CRPPA: variants seen among roughly 807,000 people sequenced by gnomAD.
The protein encoded by CRPPA is CDP-L-ribitol pyrophosphorylase A, also known as D-ribitol-5-phosphate cytidylyltransferase.
Under a neutral mutation model 52.0 loss-of-function variants are expected in CRPPA, and 43 were observed. That is an observed-to-expected ratio of 0.83 (90% CI 0.65 to 1.07). The LOEUF is 1.07. Ranked by LOEUF, CRPPA falls within the 50% of genes least tolerant of loss-of-function variation. The pLI, the probability that CRPPA is intolerant of heterozygous loss-of-function variation, is 0.00. For missense variants in CRPPA, 629 were observed against 551.7 expected (o/e 1.14, Z -1.40); for synonymous variants, 250 against 203.5 (o/e 1.23, Z -1.94).
chr7:16,109,044 C>T, intron 9 of CRPPA, among the ~76,000 whole-genome samples: 1 of 151,276 alleles, frequency 6.6e-6, no homozygotes, highest in East Asian at 1.9e-4. Flanking sequence ...ACAAACTCGG[C>T]CTTAAGTTAG....
chr7:16,326,129 C>A lies in CRPPA; in HGVS notation c.685-17502G>T, dbSNP rs116805821. Among the ~76,000 whole-genome samples the A allele has an allele frequency of 8.9e-3, 1,340 of 150,932 alleles. 15 individuals carry two copies. The highest frequency in any genetic ancestry group is 0.031 in the African/African-American group (1,288 of 41,120). ...ATAGGACACCTATCTACCTCCAACT[C>A]CAAGTCCTCTGAAAGAGCTATATAT... On this transcript the variant is annotated intron_variant, in intron 3 of 9. Coordinates refer to ENST00000407010, the MANE Select transcript of CRPPA (RefSeq NM_001101426.4).
intron 8 of CRPPA, among the ~76,000 whole-genome samples, chr7:16,254,792 G>GAAAGAAAGAAGGAAAGAAAGAAA (rs1783573898): frequency 2.1e-4 from 21 of 101,662 alleles, no homozygotes; most frequent in Non-Finnish European, 2.7e-4. Flanking sequence ...AAAGAAAGAA[G>GAAAGAAAGAAGGAAAGAAAGAAA]GAAAGAAAGA....
At chr7:16,417,619 AC>A (rs1462870128) in intron 1 of CRPPA, among the ~76,000 whole-genome samples, 6 of 152,274 alleles carry the variant, frequency 3.9e-5, no homozygotes, top group African/African-American at 1.4e-4. Context: ...TCAACAACAG[AC>A]ACTGGGGATC....
intron 1 of CRPPA, among the ~76,000 whole-genome samples, chr7:16,408,543 G>A (rs1788008168): frequency 6.6e-6 from 1 of 152,186 alleles, no homozygotes; most frequent in African/African-American, 2.4e-5. Context: ...CCTAAAAAGA[G>A]GATAGGCAGC....
At chr7:16,258,568 G>T (rs2128412369) in intron 7 of CRPPA, 86 bp from the exon 8 acceptor site, 4 of 717,954 alleles carry the variant, frequency 5.6e-6, no homozygotes, top group South Asian at 2.0e-5. Context: ...GAGAGATTCT[G>T]CATAACATTC....
intron 8 of CRPPA, among the ~76,000 whole-genome samples, chr7:16,256,836 A>T (rs1356562546): frequency 1.3e-5 from 2 of 152,076 alleles, no homozygotes; most frequent in East Asian, 3.8e-4. Flanking sequence ...TGGGTGTAGC[A>T]TACCAGCATG....
At chr7:16,333,709 A>G (rs1444306682) in intron 3 of CRPPA, among the ~76,000 whole-genome samples, 1 of 152,206 alleles carries the variant, frequency 6.6e-6, no homozygotes, top group Non-Finnish European at 1.5e-5. Flanking sequence ...GATCTGTGAC[A>G]TCAGCAAGAT....
intron 9 of CRPPA, chr7:16,209,311 G>C (rs562632224): frequency 8.3e-4 from 95 of 114,082 alleles, no homozygotes; most frequent in African/African-American, 2.8e-3. Context: ...TCGCTCTGTT[G>C]CCCAGGCTGG....
chr7:16,301,311 T>A, intron 5 of CRPPA, 110 bp downstream of exon 5: 3 of 831,042 alleles, frequency 3.6e-6, no homozygotes, highest in Non-Finnish European at 6.0e-6. Flanking sequence ...GACCTTGGCC[T>A]ACAGGCTTTT....
chr7:16,171,709 C>G (rs545317114), intron 9 of CRPPA, among the ~76,000 whole-genome samples: 20 of 152,194 alleles, frequency 1.3e-4, no homozygotes, highest in Admixed American at 1.3e-3. Flanking sequence ...AGGAGAACTG[C>G]GTGAACCCAG....
At chr7:16,303,221 A>C (rs140608125) in intron 4 of CRPPA, among the ~76,000 whole-genome samples, 3 of 152,182 alleles carry the variant, frequency 2.0e-5, no homozygotes, top group African/African-American at 7.2e-5. Flanking sequence ...CTGCTACTTT[A>C]TTTCTGGATA....
At chr7:16,241,970 T>TG (rs1554296973) in intron 8 of CRPPA, among the ~76,000 whole-genome samples, 1,611 of 104,530 alleles carry the variant, frequency 0.015, 60 homozygotes, top group East Asian at 0.12. Flanking sequence ...TTTTTTTTTG[T>TG]TGGGGGGAGA....
In CRPPA at chr7:16,185,067, T is replaced by C. The variant is rs193074443; in HGVS notation, c.1251+30999A>G. On this transcript the variant is annotated intron_variant, in intron 9 of 9. Transcript: ENST00000407010. ...TAAGACAGACATATCTCTCCATGTG[T>C]ATTAGTCCATTTTCATTCTGCTGAT... Among the ~76,000 whole-genome samples the C allele has an allele frequency of 4.6e-5, 7 of 152,332 alleles. No individual in the cohort carries two copies. The East Asian group carries it at 1.2e-3, about 25-fold the overall frequency.
At chr7:16,146,207 C>CAAA (rs531464213) in intron 9 of CRPPA, among the ~76,000 whole-genome samples, 3 of 137,644 alleles carry the variant, frequency 2.2e-5, no homozygotes, top group African/African-American at 7.9e-5. Flanking sequence ...TCCAACAAAC[C>CAAA]AAAAAAAAAA....
chr7:16,345,904 A>G (rs1392538118), intron 3 of CRPPA, among the ~76,000 whole-genome samples: 1 of 152,176 alleles, frequency 6.6e-6, no homozygotes, highest in Non-Finnish European at 1.5e-5. Context: ...TTGCCTCATT[A>G]AGTTATAAAA....
chr7:16,115,609 A>G (rs1782354566), intron 9 of CRPPA, among the ~76,000 whole-genome samples: 1 of 152,182 alleles, frequency 6.6e-6, no homozygotes, highest in African/African-American at 2.4e-5. Context: ...ACCAATTTTT[A>G]AAAAAAGAAA....
intron 8 of CRPPA, among the ~76,000 whole-genome samples, chr7:16,251,316 A>G (rs957929308): frequency 2.6e-5 from 4 of 152,160 alleles, no homozygotes; most frequent in Non-Finnish European, 4.4e-5. Flanking sequence ...TAGACAGTTC[A>G]ACGAGACAGA....
At chr7:16,343,890 G>A (rs1785935913) in intron 3 of CRPPA, among the ~76,000 whole-genome samples, 1 of 152,108 alleles carries the variant, frequency 6.6e-6, no homozygotes, top group African/African-American at 2.4e-5. Flanking sequence ...GAGCTTTAAG[G>A]GTGTAACCCT....
chr7:16,155,842 T>C (rs1272661192), intron 9 of CRPPA, among the ~76,000 whole-genome samples: 1 of 152,136 alleles, frequency 6.6e-6, no homozygotes, highest in African/African-American at 2.4e-5. Flanking sequence ...TACAAACTCC[T>C]TACTAGGCAT....
Sources: gnomAD v4.1 joint callset for allele counts (sites outside exome capture counted in the v4.1 genomes callset) on GRCh38, gnomAD v4.1.1 for gene constraint, MANE v1.5 for transcripts, NCBI Gene and HGNC (gene_info 2026-07-23, HGNC 2026-07-21) for gene names.